PRKCH: variants seen among roughly 807,000 people sequenced by gnomAD.
PRKCH encodes the protein protein kinase C eta type.
A neutral mutation model predicts 82.5 loss-of-function variants in PRKCH; 28 were observed. The observed-to-expected ratio is 0.34, with a 90% confidence interval of 0.25 to 0.47. The LOEUF is 0.47. Ranked by LOEUF, PRKCH falls within the 20% of genes least tolerant of loss-of-function variation. The probability of loss-of-function intolerance (pLI) is 1.00; values close to 1 mark genes in which losing one functional copy is unlikely to be tolerated. For missense variants in PRKCH, 705 were observed against 881.8 expected (o/e 0.80, Z 2.54); for synonymous variants, 322 against 327.4 (o/e 0.98, Z 0.18).
intron 2 of PRKCH, among the ~76,000 whole-genome samples, chr14:61,405,661 C>A (rs985344409): frequency 6.6e-6 from 1 of 152,118 alleles, no homozygotes; most frequent in Non-Finnish European, 1.5e-5. Context: ...TATAGGTGAG[C>A]GCCACCATGC....
At chr14:61,479,106 T>C (rs1357295261) in intron 9 of PRKCH, among the ~76,000 whole-genome samples, 1 of 152,160 alleles carries the variant, frequency 6.6e-6, no homozygotes, top group African/African-American at 2.4e-5. Flanking sequence ...TCACCCTCCC[T>C]GATCTCTTGT....
At chr14:61,270,689 G>T (rs1199330737) in intron 1 of PRKCH, among the ~76,000 whole-genome samples, 1 of 152,190 alleles carries the variant, frequency 6.6e-6, no homozygotes, top group African/African-American at 2.4e-5. Context: ...GACTCTAAAG[G>T]TATCATGATG....
At chr14:61,513,578 G>C (rs777098818) in intron 10 of PRKCH, among the ~76,000 whole-genome samples, 32 of 152,038 alleles carry the variant, frequency 2.1e-4, no homozygotes, top group Non-Finnish European at 4.0e-4. Flanking sequence ...TCCTTTTTCA[G>C]TCCGTTTAGG....
intron 1 of PRKCH, among the ~76,000 whole-genome samples, chr14:61,228,579 C>A (rs1302883921): frequency 2.0e-5 from 3 of 150,614 alleles, no homozygotes; most frequent in Non-Finnish European, 4.4e-5. Context: ...TCATACCAGT[C>A]TGATAGCAGC....
rs763732084 is a variant in PRKCH at position 61,529,084 on chromosome 14, A to G, written c.1443A>G (p.Lys481=). Residue 481 remains lysine, a synonymous_variant, in exon 11 of 14, where the codon AAA becomes AAG. Transcript: ENST00000332981. ...TCTTTGTATCTTTCAGAGATCTGAA[A>G]CTGGACAATGTCCTGTTGGACCACG... The part of the protein sequence containing the change: ...HDKGIIYRDL[K]LDNVLLDHEG... The G allele has an allele frequency of 1.9e-6, 3 of 1,611,868 alleles. No homozygotes were observed. The highest frequency in any genetic ancestry group is 3.3e-5 in the Admixed American group (2 of 59,820).
At chr14:61,203,195 C>T (rs923896481) in intron 1 of PRKCH, among the ~76,000 whole-genome samples, 9 of 152,074 alleles carry the variant, frequency 5.9e-5, no homozygotes, top group Admixed American at 4.6e-4. Context: ...TCATATCCTG[C>T]CACTACCGCC....
intron 1 of PRKCH, among the ~76,000 whole-genome samples, chr14:61,271,737 A>G (rs1011450786): frequency 1.3e-5 from 2 of 152,190 alleles, no homozygotes; most frequent in Non-Finnish European, 2.9e-5. Context: ...CATTGCCTGG[A>G]AAGTGCTCAA....
At chr14:61,378,488 G>A (rs916946184) in intron 1 of PRKCH, among the ~76,000 whole-genome samples, 1 of 152,086 alleles carries the variant, frequency 6.6e-6, no homozygotes, top group Non-Finnish European at 1.5e-5. Context: ...TTACAGATGT[G>A]AGCCGCCACA....
chr14:61,379,692 C>A (rs1191990148), intron 1 of PRKCH, among the ~76,000 whole-genome samples: 2 of 152,140 alleles, frequency 1.3e-5, no homozygotes, highest in Non-Finnish European at 2.9e-5. Context: ...GGGCCGATGA[C>A]CACTGTCTCT....
intron 1 of PRKCH, among the ~76,000 whole-genome samples, chr14:61,379,277 T>C (rs1236401219): frequency 6.6e-6 from 1 of 152,132 alleles, no homozygotes; most frequent in Non-Finnish European, 1.5e-5. Flanking sequence ...GTTCCCTCTT[T>C]TGTGGAGCTT....
chr14:61,520,455 T>C (rs377248236), intron 10 of PRKCH, among the ~76,000 whole-genome samples: 3 of 152,276 alleles, frequency 2.0e-5, no homozygotes, highest in South Asian at 2.1e-4. Flanking sequence ...AACTGGACTA[T>C]ATCAAAACAA....
chr14:61,260,907 T>C (rs12889492), intron 1 of PRKCH, among the ~76,000 whole-genome samples: 72,198 of 152,116 alleles, frequency 0.47, 20,951 homozygotes, highest in Non-Finnish European at 0.62. Context: ...AGATGTACTT[T>C]AAGGGACTTC....
chr14:61,519,577 T>C (rs2042876643), intron 10 of PRKCH, among the ~76,000 whole-genome samples: 1 of 152,194 alleles, frequency 6.6e-6, no homozygotes, highest in Admixed American at 6.5e-5. Context: ...TTCTTCATTA[T>C]AAAATGAAGT....
intron 1 of PRKCH, among the ~76,000 whole-genome samples, chr14:61,221,580 G>C (rs976190501): frequency 6.6e-6 from 1 of 151,970 alleles, no homozygotes; most frequent in Non-Finnish European, 1.5e-5. Flanking sequence ...CCCGAGAACC[G>C]CTGCTGCCTA....
intron 1 of PRKCH, among the ~76,000 whole-genome samples, chr14:61,201,833 A>T (rs2044484221): frequency 6.6e-6 from 1 of 152,186 alleles, no homozygotes; most frequent in South Asian, 2.1e-4. Flanking sequence ...CAGTATAAAC[A>T]TGTTATTTGA....
intron 1 of PRKCH, among the ~76,000 whole-genome samples, chr14:61,214,182 C>T (rs2044601709): frequency 6.6e-6 from 1 of 152,118 alleles, no homozygotes; most frequent in Non-Finnish European, 1.5e-5. Flanking sequence ...GTCTGTTTAA[C>T]CATCGTATTT....
intron 12 of PRKCH, among the ~76,000 whole-genome samples, chr14:61,540,566 G>A (rs574405922): frequency 6.6e-6 from 1 of 152,298 alleles, no homozygotes; most frequent in East Asian, 1.9e-4. Flanking sequence ...AACCACAGTT[G>A]CTTTAAGGAT....
intron 1 of PRKCH, among the ~76,000 whole-genome samples, chr14:61,350,583 C>T (rs995933139): frequency 2.0e-5 from 3 of 152,128 alleles, no homozygotes; most frequent in Admixed American, 1.3e-4. Context: ...ACCTCTTCAC[C>T]AGCATCCCTT....
intron 9 of PRKCH, among the ~76,000 whole-genome samples, chr14:61,471,552 T>TAA (rs1013037218): frequency 1.4e-5 from 2 of 146,344 alleles, no homozygotes; most frequent in Admixed American, 1.4e-4. Flanking sequence ...GTAAGTGACT[T>TAA]AAAAAAAAAA....
Sources: gnomAD v4.1 joint callset for allele counts (sites outside exome capture counted in the v4.1 genomes callset) on GRCh38, gnomAD v4.1.1 for gene constraint, MANE v1.5 for transcripts, NCBI Gene and HGNC (gene_info 2026-07-23, HGNC 2026-07-21) for gene names.